The following DGKG variants were observed in gnomAD, a reference collection of about 807,000 sequenced individuals.
DGKG encodes the protein diacylglycerol kinase gamma, also known as DAG kinase gamma.
A neutral mutation model predicts 105.3 loss-of-function variants in DGKG; 78 were observed. The observed-to-expected ratio is 0.74, with a 90% CI of 0.62 to 0.89. DGKG has a LOEUF of 0.89. DGKG is among the 40% of genes least tolerant of loss of function. The pLI is 0.00. For missense variants in DGKG, 958 were observed against 1,020.1 expected (o/e 0.94, Z 0.83); for synonymous variants, 346 against 367.1 (o/e 0.94, Z 0.66).
chr3:186,230,509 G>T (rs1720099903), intron 20 of DGKG, among the ~76,000 whole-genome samples: 1 of 152,164 alleles, frequency 6.6e-6, no homozygotes, highest in Admixed American at 6.5e-5. Context: ...AGGTGAGGCT[G>T]GTGTTTGAGG....
At chr3:186,217,275 T>C (rs1719340366) in intron 20 of DGKG, among the ~76,000 whole-genome samples, 1 of 152,226 alleles carries the variant, frequency 6.6e-6, no homozygotes, top group East Asian at 1.9e-4. Context: ...CACCATTTTT[T>C]TTTCCCCTCT....
chr3:186,163,707 T>C (rs181981968), intron 23 of DGKG, among the ~76,000 whole-genome samples: 6 of 152,214 alleles, frequency 3.9e-5, no homozygotes, highest in Non-Finnish European at 8.8e-5. Flanking sequence ...GAAATAGAGC[T>C]ACTGAATGTG....
intron 6 of DGKG, among the ~76,000 whole-genome samples, chr3:186,286,625 T>C (rs1378512667): frequency 6.6e-6 from 1 of 152,238 alleles, no homozygotes; most frequent in African/African-American, 2.4e-5. Context: ...GTTTGGTTTT[T>C]AAAAAGAAAA....
intron 16 of DGKG, among the ~76,000 whole-genome samples, chr3:186,259,782 A>G (rs1007165553): frequency 7.2e-5 from 11 of 152,062 alleles, no homozygotes; most frequent in African/African-American, 2.7e-4. Context: ...CAGGTGCTGT[A>G]GGGGCCGCAT....
intron 22 of DGKG, among the ~76,000 whole-genome samples, chr3:186,166,424 G>C (rs1716548688): frequency 6.6e-6 from 1 of 152,182 alleles, no homozygotes; most frequent in Non-Finnish European, 1.5e-5. Context: ...TTTGGACTTG[G>C]AAAAAGAAGC....
intron 20 of DGKG, among the ~76,000 whole-genome samples, chr3:186,237,601 A>C (rs1720479156): frequency 6.6e-6 from 1 of 152,178 alleles, no homozygotes. Flanking sequence ...GGACAGTAGC[A>C]CTTACCCTTG....
chr3:186,235,998 C>T (rs554721329), intron 20 of DGKG, among the ~76,000 whole-genome samples: 9 of 152,318 alleles, frequency 5.9e-5, no homozygotes, highest in East Asian at 1.9e-4. Context: ...GGTCTATGAC[C>T]CCCTCCCTTG....
intron 20 of DGKG, among the ~76,000 whole-genome samples, chr3:186,223,050 C>T (rs1340468739): frequency 1.3e-5 from 1 of 78,966 alleles, no homozygotes; most frequent in African/African-American, 3.9e-5. Flanking sequence ...ATGATATACA[C>T]TCCAATAAAG....
intron 11 of DGKG, among the ~76,000 whole-genome samples, chr3:186,271,833 C>T (rs1387534139): frequency 2.6e-5 from 4 of 152,168 alleles, no homozygotes; most frequent in South Asian, 2.1e-4. Context: ...TGGTCCTCCT[C>T]GATGCCTCAT....
intron 21 of DGKG, among the ~76,000 whole-genome samples, chr3:186,194,241 G>A (rs73887778): frequency 0.031 from 4,670 of 152,360 alleles, 262 homozygotes; most frequent in African/African-American, 0.11. Flanking sequence ...GTGCAAATGA[G>A]ACGCGCTAGG....
At chr3:186,186,186 G>T (rs1191071988) in intron 22 of DGKG, among the ~76,000 whole-genome samples, 2 of 151,674 alleles carry the variant, frequency 1.3e-5, no homozygotes, top group East Asian at 3.9e-4. Flanking sequence ...TGATGACCTG[G>T]CCTGGAATAT....
intron 24 of DGKG, among the ~76,000 whole-genome samples, chr3:186,153,605 G>T (rs1316697402): frequency 2.0e-5 from 3 of 152,176 alleles, no homozygotes; most frequent in Admixed American, 1.3e-4. Context: ...CTTTAAAATA[G>T]AATAAAAATG....
At chr3:186,344,658 G>C (rs1168676996) in intron 1 of DGKG, among the ~76,000 whole-genome samples, 1 of 151,968 alleles carries the variant, frequency 6.6e-6, no homozygotes, top group Non-Finnish European at 1.5e-5. Flanking sequence ...TTAATACCTG[G>C]GTGATGAAAT....
At chr3:186,340,617 A>G (rs1726045193) in intron 1 of DGKG, among the ~76,000 whole-genome samples, 1 of 152,222 alleles carries the variant, frequency 6.6e-6, no homozygotes, top group Non-Finnish European at 1.5e-5. Flanking sequence ...GCACATATTC[A>G]TTCCTCTAAC....
chr3:186,298,006 T>C (rs955151880), intron 4 of DGKG, 58 bp downstream of exon 4: 2 of 1,544,894 alleles, frequency 1.3e-6, no homozygotes, highest in African/African-American at 1.4e-5. Context: ...AGTCTGTGGC[T>C]GTGGCAGGGG....
At chr3:186,314,711 G>T (rs372958400) in intron 2 of DGKG, among the ~76,000 whole-genome samples, 1 of 145,118 alleles carries the variant, frequency 6.9e-6, no homozygotes, top group African/African-American at 2.6e-5. Context: ...CCGAGATCGC[G>T]CCGCTGCACT....
intron 8 of DGKG, among the ~76,000 whole-genome samples, 193 bp downstream of exon 8, chr3:186,280,477 T>C (rs1446559277): frequency 6.6e-5 from 10 of 152,256 alleles, no homozygotes; most frequent in Non-Finnish European, 1.5e-4. Flanking sequence ...CAGTTATGTC[T>C]GCACGTTTTC....
chr3:186,244,405 A>ATTT (rs1170691406), intron 19 of DGKG, among the ~76,000 whole-genome samples: 75 of 140,006 alleles, frequency 5.4e-4, no homozygotes, highest in African/African-American at 1.9e-3. Context: ...TTAGCTATTG[A>ATTT]TGTTTTTTTT....
At position 186,211,790 on chromosome 3, in the gene DGKG, C is replaced by G. The variant is rs1406953234; in HGVS notation, c.1917+5G>C. 1 of 1,613,328 alleles carries G rather than the reference C, an allele frequency of 6.2e-7. No individual in the cohort carries two copies. Among genetic ancestry groups the G allele is most frequent in the South Asian group, 1.1e-5 (1 of 91,072 alleles). On this transcript the variant is annotated splice_donor_5th_base_variant and intron_variant, in intron 21 of 24. Coordinates refer to ENST00000265022, the MANE Select transcript of DGKG (RefSeq NM_001346.3). Reference sequence around the variant, plus strand: ...AGGAAGCCTTCTCCCCACTTGGGAACTTACCTCCAACTCAATGTGGTCGTG... The same window carrying G: ...AGGAAGCCTTCTCCCCACTTGGGAAGTTACCTCCAACTCAATGTGGTCGTG...
Sources: gnomAD v4.1 joint callset for allele counts (sites outside exome capture counted in the v4.1 genomes callset) on GRCh38, gnomAD v4.1.1 for gene constraint, MANE v1.5 for transcripts, NCBI Gene and HGNC (gene_info 2026-07-23, HGNC 2026-07-21) for gene names.